Variants in ANKFN1 observed in about 807,000 individuals in gnomAD.
ANKFN1 encodes the protein ankyrin repeat and fibronectin type-III domain-containing protein 1.
Under a neutral mutation model 108.7 loss-of-function variants are expected in ANKFN1, and 74 were observed. The ratio of observed to expected loss-of-function variants is 0.68; its 90% CI spans 0.56 to 0.83. The LOEUF (loss-of-function observed/expected upper bound fraction) is 0.83, where lower values mean the gene tolerates loss of function less well. ANKFN1 is among the 40% of genes least tolerant of loss of function. The probability of loss-of-function intolerance (pLI) is 0.00; values close to 1 mark genes in which losing one functional copy is unlikely to be tolerated. For synonymous variants in ANKFN1, 547 were observed against 516.2 expected (o/e 1.06, Z -0.81); for missense variants, 1,505 against 1,382.3 (o/e 1.09, Z -1.41).
chr17:56,063,777 G>A (rs1485197200), intron 4 of ANKFN1, among the ~76,000 whole-genome samples: 3 of 151,916 alleles, frequency 2.0e-5, no homozygotes, highest in African/African-American at 7.3e-5. Flanking sequence ...TCTCCATCCA[G>A]TTCTGTGCTC....
intron 1 of ANKFN1, among the ~76,000 whole-genome samples, chr17:56,192,235 T>G (rs1317616316): frequency 6.7e-6 from 1 of 148,210 alleles, no homozygotes; most frequent in Non-Finnish European, 1.5e-5. Flanking sequence ...CCTTACACCT[T>G]ATACAAAAAT....
chr17:56,303,430 T>C (rs2044728473), intron 3 of ANKFN1, among the ~76,000 whole-genome samples: 1 of 152,150 alleles, frequency 6.6e-6, no homozygotes, highest in Non-Finnish European at 1.5e-5. Flanking sequence ...CATCTGCTGC[T>C]CAACACCAAA....
chr17:56,207,873 C>G (rs1914661200), intron 1 of ANKFN1, among the ~76,000 whole-genome samples: 1 of 152,082 alleles, frequency 6.6e-6, no homozygotes, highest in Non-Finnish European at 1.5e-5. Flanking sequence ...CAGAAGCTGC[C>G]AAAATATCCA....
intron 4 of ANKFN1, among the ~76,000 whole-genome samples, chr17:56,146,158 C>T (rs1908248687): frequency 6.6e-6 from 1 of 152,212 alleles, no homozygotes; most frequent in Non-Finnish European, 1.5e-5. Flanking sequence ...TGTGTCACAT[C>T]CAGATTATGC....
chr17:56,151,687 A>G (rs1908623824), upstream of ANKFN1, among the ~76,000 whole-genome samples: 1 of 152,184 alleles, frequency 6.6e-6, no homozygotes, highest in African/African-American at 2.4e-5. Flanking sequence ...CAATCTGACC[A>G]ACAGCACCAC....
intron 1 of ANKFN1, among the ~76,000 whole-genome samples, chr17:56,208,675 A>G (rs1914727044): frequency 6.6e-6 from 1 of 152,076 alleles, no homozygotes; most frequent in African/African-American, 2.4e-5. Context: ...TTTCACTCTG[A>G]TCTTCCTGGT....
chr17:56,324,047 T>G (rs938755385), intron 3 of ANKFN1, among the ~76,000 whole-genome samples: 2 of 152,132 alleles, frequency 1.3e-5, no homozygotes, highest in South Asian at 2.1e-4. Flanking sequence ...CATAGGAAAC[T>G]GAGCATCCAG....
At chr17:56,131,372 C>G (rs1181451364) in intron 4 of ANKFN1, among the ~76,000 whole-genome samples, 1 of 152,108 alleles carries the variant, frequency 6.6e-6, no homozygotes, top group African/African-American at 2.4e-5. Context: ...ATAGGATGCC[C>G]TGGAGATCTG....
chr17:56,274,801 A>G (rs1015793888), intron 3 of ANKFN1, among the ~76,000 whole-genome samples: 3 of 152,216 alleles, frequency 2.0e-5, no homozygotes, highest in Non-Finnish European at 2.9e-5. Context: ...TCATTCAGCC[A>G]GAGGAGGTGA....
chr17:56,209,939 T>C (rs573648930), intron 1 of ANKFN1, among the ~76,000 whole-genome samples: 52 of 152,276 alleles, frequency 3.4e-4, no homozygotes, highest in South Asian at 2.1e-4. Context: ...CATTCCTGAG[T>C]TACTTCACTT....
intron 4 of ANKFN1, 111 bp from the exon 5 acceptor site, chr17:56,350,655 C>T: frequency 1.0e-6 from 1 of 998,556 alleles, no homozygotes; most frequent in Non-Finnish European, 1.5e-6. Context: ...AGGTCCCTAC[C>T]AGCTCTAATA....
intron 8 of ANKFN1, among the ~76,000 whole-genome samples, chr17:56,424,179 C>T (rs1489441873): frequency 1.3e-5 from 2 of 152,196 alleles, no homozygotes. Context: ...AAGCTTTACC[C>T]TTCATCATGG....
chr17:56,127,389 CT>C (rs1423196183), intron 4 of ANKFN1, among the ~76,000 whole-genome samples: 27 of 152,168 alleles, frequency 1.8e-4, no homozygotes, highest in African/African-American at 6.5e-4. Context: ...TCTCCGCTCA[CT>C]GCAACCTCCA....
At chr17:56,466,207 C>T in intron 14 of ANKFN1, 149 bp from the exon 15 acceptor site, 1 of 659,642 alleles carries the variant, frequency 1.5e-6, no homozygotes, top group Non-Finnish European at 2.6e-6. Context: ...GTCTATGATG[C>T]CATATATTCT....
At chr17:56,086,501 A>G (rs1020030064) in intron 4 of ANKFN1, among the ~76,000 whole-genome samples, 4 of 151,380 alleles carry the variant, frequency 2.6e-5, no homozygotes, top group Non-Finnish European at 1.5e-5. Context: ...CACATTTCCA[A>G]TGTCTTCTCT....
intron 3 of ANKFN1, among the ~76,000 whole-genome samples, chr17:56,268,215 A>G (rs9890319): frequency 0.23 from 34,443 of 152,104 alleles, 4,372 homozygotes; most frequent in African/African-American, 0.35. Context: ...TAAAAAAACT[A>G]AAATTATATC....
chr17:56,460,311 G>T (rs2049857158), intron 14 of ANKFN1, among the ~76,000 whole-genome samples: 1 of 152,106 alleles, frequency 6.6e-6, no homozygotes, highest in African/African-American at 2.4e-5. Flanking sequence ...AAATTAGCTG[G>T]ATGTGGTGGT....
At chr17:56,371,196 A>C (rs2046802835) in intron 6 of ANKFN1, among the ~76,000 whole-genome samples, 1 of 152,194 alleles carries the variant, frequency 6.6e-6, no homozygotes, top group Non-Finnish European at 1.5e-5. Flanking sequence ...CTACAGCAAC[A>C]TTCATTAACC....
At chr17:56,100,083 G>T (rs1283715464) in intron 4 of ANKFN1, among the ~76,000 whole-genome samples, 1 of 152,158 alleles carries the variant, frequency 6.6e-6, no homozygotes. Flanking sequence ...AACCCCACAG[G>T]CACTAATAAT....
Sources: gnomAD v4.1 joint callset for allele counts (sites outside exome capture counted in the v4.1 genomes callset) on GRCh38, gnomAD v4.1.1 for gene constraint, MANE v1.5 for transcripts, NCBI Gene and HGNC (gene_info 2026-07-23, HGNC 2026-07-21) for gene names.